The following SLC35E1 variants were observed in gnomAD, a reference collection of about 807,000 sequenced individuals.
SLC35E1 encodes solute carrier family 35, member E1.
A neutral mutation model predicts 31.0 loss-of-function variants in SLC35E1; 12 were observed. The observed-to-expected ratio is 0.39, with a 90% confidence interval of 0.25 to 0.63. SLC35E1 has a LOEUF of 0.63. Ranked by LOEUF, SLC35E1 falls within the 20% of genes least tolerant of loss-of-function variation. The probability of loss-of-function intolerance (pLI) is 0.52; values close to 1 mark genes in which losing one functional copy is unlikely to be tolerated. For synonymous variants in SLC35E1, 257 were observed against 264.1 expected (o/e 0.97, Z 0.26); for missense variants, 429 against 572.2 (o/e 0.75, Z 2.55).
Position 16,553,862 on chromosome 19 carries a change from G to A in SLC35E1, c.1050C>T (p.Val350=), listed in dbSNP as rs1387471381. ...NQQARKHLLP[V]TTADLSSKER... ...CCTTGCTGCTCAGGTCTGCTGTGGTGACGGGGAGGAGGTGCTTCCTGGCTT... is the reference window on the plus strand; with the variant it reads ...CCTTGCTGCTCAGGTCTGCTGTGGTAACGGGGAGGAGGTGCTTCCTGGCTT... Residue 350 remains valine, a synonymous_variant, in exon 6 of 6, where the codon GTC becomes GTT. Transcript: ENST00000595753. 10 of 1,613,382 alleles carry A rather than the reference G, an allele frequency of 6.2e-6. No homozygotes were observed. The highest frequency in any genetic ancestry group is 8.5e-6 in the Non-Finnish European group (10 of 1,179,562).
chr19:16,572,048 C>G lies in SLC35E1; in HGVS notation c.317G>C (p.Arg106Pro). The part of the protein sequence containing the change: ...HPSSGPLLPP[R>P]FYPRYVLPLA... ...CGGTAGCACGTAGCGCGGGTAGAAG[C>G]GCGGCGGCAGCAGCGGGCCGGACGA... is the stretch of plus-strand genomic sequence containing the variant. Residue 106 changes from arginine to proline, a missense_variant, in exon 1 of 6, where the codon CGC (arginine) becomes CCC (proline). Arg to Pro is a moderately radical substitution (Grantham distance 103, BLOSUM62 -2). Coordinates refer to ENST00000595753, the MANE Select transcript of SLC35E1 (RefSeq NM_024881.5). The surrounding 1 kb of genome is among the most constrained non-coding windows in gnomAD (Gnocchi z 4.1). 1 of 1,539,802 alleles carries G rather than the reference C, an allele frequency of 6.5e-7. No individual in the cohort carries two copies. Among genetic ancestry groups the G allele is most frequent in the South Asian group, 1.2e-5 (1 of 83,578 alleles).
intron 4 of SLC35E1, among the ~76,000 whole-genome samples, chr19:16,562,675 G>C (rs1039973297): frequency 6.6e-6 from 1 of 152,082 alleles, no homozygotes; most frequent in Non-Finnish European, 1.5e-5. Context: ...GAATCCACTA[G>C]TGTGGAACCC....
Position 16,555,143 on chromosome 19 carries a change from GACTCTC to G in SLC35E1, c.1002+3_1002+8del. On this transcript the variant is annotated splice_donor_5th_base_variant and intron_variant, in intron 5 of 5. Transcript: ENST00000595753. This position sits in a 1 kb window ranked among gnomAD's most constrained non-coding sequence, Gnocchi z 4.1. Reference sequence around the variant, plus strand: ...GCTTCCTTCCCTGCCCAGCCTCTCAGACTCTCACCTTGTTATAGAGGAAGACCCCCA... The same window carrying G: ...GCTTCCTTCCCTGCCCAGCCTCTCAGACCTTGTTATAGAGGAAGACCCCCA... 2.5e-6 allele frequency: 4 copies of G among 1,614,026 alleles called. No homozygotes were observed. The highest frequency in any genetic ancestry group is 3.4e-6 in the Non-Finnish European group (4 of 1,180,028).
intron 2 of SLC35E1, among the ~76,000 whole-genome samples, chr19:16,570,587 T>C (rs1396008450): frequency 6.6e-6 from 1 of 152,218 alleles, no homozygotes; most frequent in Admixed American, 6.5e-5. Flanking sequence ...GGAAATACCC[T>C]GGCTTGGCAT....
chr19:16,553,606 T>G lies in SLC35E1; in HGVS notation c.*73A>C, dbSNP rs774836527. ...TCGGCTGGGTTGTACATTCACTGAT[T>G]GTCAGAAGTTTCTGATACTGCTGTG... On this transcript the variant is annotated 3_prime_UTR_variant, in exon 6 of 6. Coordinates refer to ENST00000595753, the MANE Select transcript of SLC35E1 (RefSeq NM_024881.5). 9 of 1,322,680 alleles carry G rather than the reference T, an allele frequency of 6.8e-6. No homozygotes were observed. Among genetic ancestry groups the G allele is most frequent in the African/African-American group, 1.5e-5 (1 of 67,436 alleles). 81.9% of individuals were successfully genotyped at this position (1,322,680 alleles called of 1,614,324 possible). A position where few individuals can be genotyped will look rare whatever the true frequency, so the allele number is the denominator to read the frequency against.
At position 16,572,375 on chromosome 19, in the gene SLC35E1, C is replaced by T. The variant is rs1420316185; in HGVS notation, c.-11G>A. The T allele has an allele frequency of 1.0e-6, 1 of 1,001,900 alleles. No individual in the cohort carries two copies. The allele number at this position is 1,001,900 out of a possible 1,614,324, so 62.1% of individuals were successfully genotyped here. On this transcript the variant is annotated 5_prime_UTR_variant, in exon 1 of 6. Transcript: ENST00000595753. The surrounding 1 kb of genome is among the most constrained non-coding windows in gnomAD (Gnocchi z 4.1). ...CGCGGCCGCCGCCATCCTGCCCGAG[C>T]GGCCGCCCCTTCCAGCCCGTCCGAC...
In SLC35E1 at chr19:16,550,184, G is replaced by A. The variant is rs958844348; in HGVS notation, c.*3495C>T. On this transcript the variant is annotated 3_prime_UTR_variant, in exon 6 of 6. Transcript: ENST00000595753. ...AGAATGAATGACTTAAAATAAGGTG[G>A]TTAAAAATTCTGCAGTGAGTCTCGC... is the stretch of plus-strand genomic sequence containing the variant. The A allele has an allele frequency of 6.6e-6, 1 of 152,224 alleles. No homozygotes were observed. Among genetic ancestry groups the A allele is most frequent in the Non-Finnish European group, 1.5e-5 (1 of 68,048 alleles). 9.4% of individuals were successfully genotyped at this position (152,224 alleles called of 1,614,324 possible).
chr19:16,559,489 C>CACACACACACACAG (rs1370281981), intron 4 of SLC35E1, among the ~76,000 whole-genome samples: 3 of 148,304 alleles, frequency 2.0e-5, no homozygotes, highest in Non-Finnish European at 4.4e-5. Flanking sequence ...CACACACACA[C>CACACACACACACAG]ACACACACAC....
chr19:16,568,044 A>G lies in SLC35E1; in HGVS notation c.618T>C (p.Ile206=), dbSNP rs764064028. The change falls in exon 3 of 6, where the codon ATT becomes ATC. Residue 206 remains isoleucine, a synonymous_variant. Coordinates refer to ENST00000595753, the MANE Select transcript of SLC35E1 (RefSeq NM_024881.5). The part of the protein sequence containing the change: ...AATLCFSLQN[I]FSKKVLRDSR... ...GGTGACCAAATACCTTTTTGGAGAA[A>G]ATGTTCTGAAGCGAGAAGCACAGCG... is the stretch of plus-strand genomic sequence containing the variant. 2 of 1,609,924 alleles carry G rather than the reference A, an allele frequency of 1.2e-6. No individual in the cohort carries two copies. Among genetic ancestry groups the G allele is most frequent in the South Asian group, 2.2e-5 (2 of 90,536 alleles).
At chr19:16,561,472 G>A (rs954576362) in intron 4 of SLC35E1, among the ~76,000 whole-genome samples, 6 of 152,130 alleles carry the variant, frequency 3.9e-5, no homozygotes, top group Middle Eastern at 3.4e-3. Context: ...TCTTTCCTCC[G>A]CCCATCTGCC....
At chr19:16,558,149 TTC>T (rs746407123) in intron 4 of SLC35E1, among the ~76,000 whole-genome samples, 8 of 152,036 alleles carry the variant, frequency 5.3e-5, no homozygotes, top group Non-Finnish European at 8.8e-5. Context: ...GTTCAAGTGA[TTC>T]TCCTGTTTCA....
chr19:16,564,035 C>T (rs2085920019), intron 4 of SLC35E1: 2 of 152,222 alleles, frequency 1.3e-5, no homozygotes, highest in Admixed American at 1.3e-4. Flanking sequence ...TGCTGCTGCC[C>T]CAAGTGTGTA....
intron 3 of SLC35E1, among the ~76,000 whole-genome samples, chr19:16,567,148 T>C (rs1294830721): frequency 6.6e-6 from 1 of 152,226 alleles, no homozygotes; most frequent in East Asian, 1.9e-4. Flanking sequence ...TTAACTGTGG[T>C]ACCTGAAAAG....
intron 5 of SLC35E1, among the ~76,000 whole-genome samples, chr19:16,554,141 T>C (rs1428508863): frequency 6.6e-6 from 1 of 151,442 alleles, no homozygotes; most frequent in African/African-American, 2.4e-5. Context: ...TGGCGCATGC[T>C]GTAGTTCCAG....
At chr19:16,562,346 C>A (rs2085911027) in intron 4 of SLC35E1, among the ~76,000 whole-genome samples, 1 of 152,164 alleles carries the variant, frequency 6.6e-6, no homozygotes, top group Admixed American at 6.6e-5. Flanking sequence ...ATGAAGAGCT[C>A]TCTGGGACGA....
At chr19:16,566,940 G>A (rs2085935281) in intron 3 of SLC35E1, among the ~76,000 whole-genome samples, 1 of 152,228 alleles carries the variant, frequency 6.6e-6, no homozygotes, top group Non-Finnish European at 1.5e-5. Context: ...ACTGGTTTGA[G>A]GCTGAATTGG....
rs1268498851 is a variant in SLC35E1 at position 16,555,255 on chromosome 19, A to G, written c.899T>C (p.Ile300Thr). The G allele has an allele frequency of 1.9e-6, 3 of 1,614,146 alleles. No individual in the cohort carries two copies. The highest frequency in any genetic ancestry group is 2.5e-6 in the Non-Finnish European group (3 of 1,180,028). The change falls in exon 5 of 6, where the codon ATC becomes ACC. Residue 300 changes from isoleucine (I) to threonine (T), a missense_variant. Ile to Thr is a moderately conservative substitution (Grantham distance 89). Transcript: ENST00000595753. The surrounding 1 kb of genome is among the most constrained non-coding windows in gnomAD (Gnocchi z 4.1). ...SYSVANATKR[I>T]MVITVSLIML... The stretch of plus-strand genomic sequence containing the variant: ...GATCAGGGACACCGTGATGACCATG[A>G]TTCTTTTGGTGGCATTGGCGACCGA...
At chr19:16,564,040 T>A (rs2085920061) in intron 4 of SLC35E1, 1 of 152,236 alleles carries the variant, frequency 6.6e-6, no homozygotes, top group Admixed American at 6.5e-5. Context: ...CTGCCCCAAG[T>A]GTGTACTTCC....
chr19:16,559,786 A>T (rs1009932986), intron 4 of SLC35E1, among the ~76,000 whole-genome samples: 1 of 152,122 alleles, frequency 6.6e-6, no homozygotes, highest in African/African-American at 2.4e-5. Context: ...TAATCCCAAC[A>T]TCTGTATCAT....
Sources: allele counts gnomAD v4.1 joint callset (sites outside exome capture counted in the v4.1 genomes callset), GRCh38; gene constraint gnomAD v4.1.1; non-coding constraint Gnocchi (gnomAD v3.1); transcripts MANE v1.5; gene names NCBI Gene and HGNC (gene_info 2026-07-23, HGNC 2026-07-21).